CENPW: variants seen among roughly 807,000 people sequenced by gnomAD.
CENPW encodes centromere protein W.
CENPW carries 3 observed loss-of-function variants against 11.1 expected under a neutral mutation model. That is an observed-to-expected ratio of 0.27 (90% confidence interval 0.12 to 0.70). The LOEUF (loss-of-function observed/expected upper bound fraction) is 0.70, where lower values mean the gene tolerates loss of function less well. Ranked by LOEUF, CENPW falls within the 30% of genes least tolerant of loss-of-function variation. The pLI is 0.77. For synonymous variants in CENPW, 38 were observed against 42.0 expected (o/e 0.91, Z 0.37); for missense variants, 100 against 105.6 (o/e 0.95, Z 0.23).
At chr6:126,452,959 A>G in the CENPW span, among the ~76,000 whole-genome samples, 4 of 151,274 alleles carry the variant, frequency 2.6e-5, no homozygotes, top group South Asian at 8.3e-4. Context: ...ATGACAGGCC[A>G]TAAAGAAGTG....
At chr6:126,425,522 G>A in the CENPW span, among the ~76,000 whole-genome samples, 2 of 152,044 alleles carry the variant, frequency 1.3e-5, no homozygotes, top group African/African-American at 2.4e-5. Flanking sequence ...ATTAAGGACC[G>A]TAAACTCTTT....
chr6:126,386,443 C>G, the CENPW span, among the ~76,000 whole-genome samples: 6 of 152,022 alleles, frequency 3.9e-5, no homozygotes, highest in African/African-American at 1.4e-4. Flanking sequence ...TAAACATGCC[C>G]AGTACTATTT....
At chr6:126,386,249 C>T in the CENPW span, among the ~76,000 whole-genome samples, 1 of 151,952 alleles carries the variant, frequency 6.6e-6, no homozygotes, top group Non-Finnish European at 1.5e-5. Context: ...ACTTTCTTTC[C>T]CACTTGTAAC....
At chr6:126,432,232 C>T in the CENPW span, among the ~76,000 whole-genome samples, 5 of 152,210 alleles carry the variant, frequency 3.3e-5, no homozygotes, top group East Asian at 7.7e-4. Context: ...ACTCATGGCA[C>T]CTGTCACCCA....
chr6:126,462,300 G>T, the CENPW span, among the ~76,000 whole-genome samples: 45 of 151,908 alleles, frequency 3.0e-4, no homozygotes, highest in East Asian at 8.0e-3. Flanking sequence ...CTTTACTTAT[G>T]TAACTTATAA....
the CENPW span, among the ~76,000 whole-genome samples, chr6:126,465,200 A>G: frequency 1.2e-4 from 18 of 152,286 alleles, no homozygotes; most frequent in Admixed American, 1.1e-3. Flanking sequence ...GTATTCCTAC[A>G]AACTATCAAA....
chr6:126,341,400 C>T (rs1218402086), intron 1 of CENPW, among the ~76,000 whole-genome samples: 1 of 152,140 alleles, frequency 6.6e-6, no homozygotes, highest in Non-Finnish European at 1.5e-5. Flanking sequence ...TTTTCTACCT[C>T]CTCTTTACTC....
the CENPW span, among the ~76,000 whole-genome samples, chr6:126,406,264 G>A: frequency 8.7e-6 from 1 of 115,106 alleles, no homozygotes; most frequent in Admixed American, 1.1e-4. Flanking sequence ...GTTTGTAAAT[G>A]TTAAACATCC....
chr6:126,414,145 G>A, the CENPW span, among the ~76,000 whole-genome samples: 3 of 151,892 alleles, frequency 2.0e-5, no homozygotes, highest in Non-Finnish European at 4.4e-5. Context: ...TATGCACGAA[G>A]CACCAGAACA....
chr6:126,444,628 C>A, the CENPW span, among the ~76,000 whole-genome samples: 7 of 150,324 alleles, frequency 4.7e-5, no homozygotes, highest in Admixed American at 2.0e-4. Context: ...TCTAATTTTT[C>A]TGCTATTCTT....
At chr6:126,446,703 T>C in the CENPW span, among the ~76,000 whole-genome samples, 7 of 151,168 alleles carry the variant, frequency 4.6e-5, no homozygotes, top group Non-Finnish European at 8.9e-5. Context: ...GACAATGTTA[T>C]TCAGGCTTAT....
chr6:126,452,696 T>G, the CENPW span, among the ~76,000 whole-genome samples: 8 of 150,864 alleles, frequency 5.3e-5, no homozygotes, highest in Non-Finnish European at 1.0e-4. Flanking sequence ...AGAGAAAAAG[T>G]GCAGTACTGA....
At chr6:126,455,822 A>T in the CENPW span, among the ~76,000 whole-genome samples, 10 of 151,388 alleles carry the variant, frequency 6.6e-5, no homozygotes, top group Admixed American at 5.9e-4. Context: ...AGAAAACCCC[A>T]TAGTTTCTGC....
chr6:126,473,915 T>C, the CENPW span, among the ~76,000 whole-genome samples: 312 of 140,708 alleles, frequency 2.2e-3, 1 homozygote, highest in Admixed American at 2.8e-3. Flanking sequence ...AATATATGCA[T>C]AGCATAGATA....
the CENPW span, among the ~76,000 whole-genome samples, chr6:126,465,187 A>G: frequency 6.6e-6 from 1 of 152,132 alleles, no homozygotes; most frequent in East Asian, 1.9e-4. Context: ...ACAAAAATCA[A>G]TGGTATTCCT....
At chr6:126,425,234 C>T in the CENPW span, among the ~76,000 whole-genome samples, 20 of 152,012 alleles carry the variant, frequency 1.3e-4, no homozygotes, top group African/African-American at 4.8e-4. Flanking sequence ...AAAATTTGTA[C>T]CCTCCAAATC....
chr6:126,415,110 C>A, the CENPW span, among the ~76,000 whole-genome samples: 1 of 151,872 alleles, frequency 6.6e-6, no homozygotes, highest in East Asian at 1.9e-4. Context: ...AAATCTCCCA[C>A]TTCAGTGTGC....
the CENPW span, among the ~76,000 whole-genome samples, chr6:126,364,935 A>T: frequency 2.0e-5 from 3 of 152,224 alleles, no homozygotes; most frequent in African/African-American, 7.2e-5. Flanking sequence ...GATAGTCACA[A>T]TTATTCACTT....
At chr6:126,347,396 A>T (rs369651070) in intron 2 of CENPW, among the ~76,000 whole-genome samples, 1 of 152,192 alleles carries the variant, frequency 6.6e-6, no homozygotes, top group African/African-American at 2.4e-5. Context: ...ATGTAAAGTT[A>T]TGAAAGGCTA....
Sources: allele counts gnomAD v4.1 joint callset (sites outside exome capture counted in the v4.1 genomes callset), GRCh38; gene constraint gnomAD v4.1.1; transcripts MANE v1.5; gene names NCBI Gene and HGNC (gene_info 2026-07-23, HGNC 2026-07-21).